Variants in SYT16 observed in about 807,000 individuals in gnomAD.
SYT16 encodes synaptotagmin 16.
Under a neutral mutation model 61.4 loss-of-function variants are expected in SYT16, and 42 were observed. The observed-to-expected ratio is 0.68, with a 90% CI of 0.53 to 0.89. The LOEUF is 0.89. Among genes scored for constraint, SYT16 ranks in the 40% least tolerant of loss-of-function variants. The probability of loss-of-function intolerance (pLI) is 0.00; values close to 1 mark genes in which losing one functional copy is unlikely to be tolerated. For synonymous variants in SYT16, 314 were observed against 302.3 expected (o/e 1.04, Z -0.40); for missense variants, 804 against 807.3 (o/e 1.00, Z 0.05).
chr14:61,833,774 C>G (rs572123475), intron 1 of SYT16, among the ~76,000 whole-genome samples: 1 of 147,018 alleles, frequency 6.8e-6, no homozygotes, highest in East Asian at 2.0e-4. Context: ...GCAGCTTCCT[C>G]GCTCTTTCTT....
rs767109937 is a variant in SYT16, at chr14:62,069,615, GGGATGACGAA to G, written c.538_547del (p.Asp180SerfsTer12). 6.2e-7 allele frequency: 1 copy of G among 1,613,876 alleles called. No homozygotes were observed. The highest frequency in any genetic ancestry group is 1.1e-5 in the South Asian group (1 of 91,078). Reference sequence around the variant, plus strand: ...TGTTTACTCCCAGTCAACAGCTTTGGGGATGACGAAGAGCTGTCCACATCTTCTGACAGTG... The same window carrying G: ...TGTTTACTCCCAGTCAACAGCTTTGGGAGCTGTCCACATCTTCTGACAGTG... On this transcript the variant is annotated frameshift_variant, in exon 4 of 8. Transcript: ENST00000683842. LOFTEE classifies it high-confidence loss of function.
chr14:61,935,576 C>T (rs893639638), intron 1 of SYT16, among the ~76,000 whole-genome samples: 7 of 152,212 alleles, frequency 4.6e-5, no homozygotes, highest in Middle Eastern at 6.8e-3. Flanking sequence ...GTAAGAAAAC[C>T]GATCTAGTTG....
chr14:61,980,709 G>T lies in SYT16; in HGVS notation c.-145+10398G>T, dbSNP rs891376631. Among the ~76,000 whole-genome samples the T allele has an allele frequency of 6.6e-5, 10 of 152,104 alleles. 1 individual carries two copies. The South Asian group carries it at 2.1e-3, about 32-fold the overall frequency. On this transcript the variant is annotated intron_variant, in intron 2 of 7. Transcript: ENST00000683842. ...ACTCTCTTAGAAATTACATGCTTTT[G>T]GTGAAGACAGGGAAAAACAAAACCA... is the stretch of plus-strand genomic sequence containing the variant.
chr14:61,945,811 A>G (rs1254841), intron 1 of SYT16, among the ~76,000 whole-genome samples: 63,105 of 140,876 alleles, frequency 0.45, 14,176 homozygotes, highest in African/African-American at 0.57. Context: ...AGCCGAGATC[A>G]CGCCACTGCA....
At chr14:62,039,598 T>C (rs1465744717) in intron 3 of SYT16, among the ~76,000 whole-genome samples, 3 of 152,118 alleles carry the variant, frequency 2.0e-5, no homozygotes, top group Non-Finnish European at 4.4e-5. Context: ...TTTATATGCT[T>C]AATGAATTTA....
intron 1 of SYT16, among the ~76,000 whole-genome samples, chr14:61,880,522 T>C (rs994655930): frequency 2.6e-5 from 4 of 152,228 alleles, no homozygotes; most frequent in Admixed American, 6.5e-5. Context: ...GGGGTTTTGA[T>C]TGGAGTTTCA....
intron 3 of SYT16, among the ~76,000 whole-genome samples, chr14:62,048,462 G>T (rs1198865144): frequency 6.6e-6 from 1 of 151,948 alleles, no homozygotes. Context: ...AGGGTTTTTT[G>T]TGTCTCTATT....
Position 62,107,330 on chromosome 14 carries a change from A to G in SYT16, c.*6623A>G, listed in dbSNP as rs8012624. Reference sequence around the variant, plus strand: ...CGCCTATAGTCCCAGCTCCTCAGGAAGCTGAGGTGGGAGGATTGCTTGAAC... The same window carrying G: ...CGCCTATAGTCCCAGCTCCTCAGGAGGCTGAGGTGGGAGGATTGCTTGAAC... On this transcript the variant is annotated 3_prime_UTR_variant, in exon 8 of 8. Coordinates refer to ENST00000683842, the MANE Select transcript of SYT16 (RefSeq NM_001367656.1). 10,597 of 151,982 alleles carry G rather than the reference A, an allele frequency of 0.07. 963 individuals carry two copies. Among genetic ancestry groups the G allele is most frequent in the African/African-American group, 0.21 (8,743 of 41,350 alleles). 9.4% of individuals were successfully genotyped at this position (151,982 alleles called of 1,614,324 possible).
intron 1 of SYT16, chr14:61,831,963 T>C (rs1566614567): frequency 1.7e-6 from 1 of 572,900 alleles, no homozygotes; most frequent in Non-Finnish European, 3.4e-6. Flanking sequence ...GGGCACCCAC[T>C]CTTTGTCAAA....
chr14:61,932,380 G>T (rs144401025), intron 1 of SYT16, among the ~76,000 whole-genome samples: 1 of 152,208 alleles, frequency 6.6e-6, no homozygotes, highest in East Asian at 1.9e-4. Flanking sequence ...AAAGAAAAGA[G>T]GTTTAATTTC....
intron 1 of SYT16, among the ~76,000 whole-genome samples, chr14:61,819,331 A>G (rs1223230239): frequency 1.3e-5 from 2 of 152,226 alleles, no homozygotes; most frequent in Admixed American, 6.5e-5. Flanking sequence ...ATGATAATCA[A>G]ACTCACTGAC....
At chr14:62,066,045 GAGA>G (rs1440482759) in intron 3 of SYT16, among the ~76,000 whole-genome samples, 4 of 152,342 alleles carry the variant, frequency 2.6e-5, no homozygotes, top group South Asian at 2.1e-4. Context: ...CTCCATAAAA[GAGA>G]AGATCAGTGA....
chr14:61,830,509 C>T (rs139026477), intron 1 of SYT16, among the ~76,000 whole-genome samples: 56 of 152,154 alleles, frequency 3.7e-4, no homozygotes, highest in Non-Finnish European at 5.6e-4. Context: ...TATTTCTCAC[C>T]GTAGTTCAGT....
At chr14:62,000,099 A>ATTTTTTTTT in intron 3 of SYT16, among the ~76,000 whole-genome samples, 192 of 18,784 alleles carry the variant, frequency 0.01, 3 homozygotes, top group Non-Finnish European at 0.012. Context: ...TTGTCTCTCG[A>ATTTTTTTTT]TTTTTTTTTT....
At chr14:61,965,797 G>A (rs1380425078) in intron 1 of SYT16, among the ~76,000 whole-genome samples, 1 of 150,484 alleles carries the variant, frequency 6.6e-6, no homozygotes, top group African/African-American at 2.4e-5. Context: ...ATAAATTATC[G>A]AAGATGCAAT....
chr14:61,979,256 G>C (rs1035077868), intron 2 of SYT16, among the ~76,000 whole-genome samples: 2 of 152,134 alleles, frequency 1.3e-5, no homozygotes, highest in Admixed American at 1.3e-4. Context: ...ATTTAGCCAT[G>C]TGCTCATCTT....
chr14:61,957,942 G>A (rs77502667), intron 1 of SYT16, among the ~76,000 whole-genome samples: 3,620 of 151,828 alleles, frequency 0.024, 157 homozygotes, highest in African/African-American at 0.083. Context: ...GACTTTGTTG[G>A]GAGTTTTTTT....
intron 3 of SYT16, among the ~76,000 whole-genome samples, chr14:62,050,911 G>A (rs1320987485): frequency 6.6e-6 from 1 of 152,084 alleles, no homozygotes; most frequent in African/African-American, 2.4e-5. Flanking sequence ...TTAGGCTACT[G>A]GGGGTCAGGG....
chr14:61,873,266 T>C (rs1417268435), intron 1 of SYT16, among the ~76,000 whole-genome samples: 6 of 152,228 alleles, frequency 3.9e-5, no homozygotes, highest in Non-Finnish European at 8.8e-5. Context: ...GAAAGAGTTA[T>C]AGGCTTTTCC....
Sources: allele counts gnomAD v4.1 joint callset (sites outside exome capture counted in the v4.1 genomes callset), GRCh38; gene constraint gnomAD v4.1.1; transcripts MANE v1.5; gene names NCBI Gene and HGNC (gene_info 2026-07-23, HGNC 2026-07-21).